ANKMY1: variants seen among roughly 807,000 people sequenced by gnomAD.
ANKMY1 encodes the protein ankyrin repeat and MYND domain containing 1, also known as ankyrin repeat and MYND domain-containing protein 1.
Under a neutral mutation model 102.0 loss-of-function variants are expected in ANKMY1, and 98 were observed. That is an observed-to-expected ratio of 0.96 (90% CI 0.82 to 1.14). ANKMY1 has a LOEUF of 1.14. ANKMY1 is among the 50% of genes most tolerant of loss of function. The probability of loss-of-function intolerance (pLI) is 0.00; values close to 1 mark genes in which losing one functional copy is unlikely to be tolerated. For synonymous variants in ANKMY1, 582 were observed against 559.9 expected, an observed-to-expected ratio of 1.04 and a Z score of -0.56; for missense variants, 1,330 against 1,347.6, an observed-to-expected ratio of 0.99 and a Z score of 0.20.
chr2:240,500,035 A>G lies in ANKMY1; in HGVS notation c.2729T>C (p.Met910Thr), dbSNP rs1457087301. The G allele has an allele frequency of 6.2e-7, 1 of 1,613,044 alleles. No individual in the cohort carries two copies. Among genetic ancestry groups the G allele is most frequent in the African/African-American group, 1.3e-5 (1 of 75,020 alleles). Residue 910 changes from methionine (M) to threonine (T), a missense_variant, in exon 15 of 18, where the codon ATG (methionine) becomes ACG (threonine). Transcript: ENST00000401804. ...FLARKRLLEY[M>T]GLQLRQAVFA... is the part of the protein sequence containing the mutation. ...GACAGCCTGCCGTAGCTGCAAGCCC[A>G]TGTACTCCAGGAGCCGCTTCCGCGC...
intron 15 of ANKMY1, among the ~76,000 whole-genome samples, chr2:240,494,640 G>A (rs1334850130): frequency 6.6e-6 from 1 of 152,138 alleles, no homozygotes; most frequent in Non-Finnish European, 1.5e-5. Flanking sequence ...GACTTGCTGA[G>A]GCCACTTAGG....
downstream of ANKMY1, among the ~76,000 whole-genome samples, chr2:240,477,885 T>C (rs182996613): frequency 2.7e-4 from 41 of 152,314 alleles, no homozygotes; most frequent in East Asian, 7.1e-3. Flanking sequence ...CACTCATGCC[T>C]GTAGAGATCA....
At chr2:240,492,616 T>C (rs1164243762) in intron 15 of ANKMY1, among the ~76,000 whole-genome samples, 2 of 152,226 alleles carry the variant, frequency 1.3e-5, no homozygotes, top group Non-Finnish European at 2.9e-5. Flanking sequence ...ATATCCTGAA[T>C]TGTTTTTCTA....
At chr2:240,556,751 A>G (rs2092392287) in intron 2 of ANKMY1, among the ~76,000 whole-genome samples, 1 of 152,182 alleles carries the variant, frequency 6.6e-6, no homozygotes, top group African/African-American at 2.4e-5. Flanking sequence ...CCCAACACCC[A>G]TCACACTGGG....
intron 15 of ANKMY1, among the ~76,000 whole-genome samples, chr2:240,489,844 T>C (rs918648197): frequency 6.6e-6 from 1 of 152,196 alleles, no homozygotes; most frequent in Admixed American, 6.5e-5. Context: ...TGGTATTAGT[T>C]CTTCTTTATA....
chr2:240,470,203 C>T, the ANKMY1 span, among the ~76,000 whole-genome samples: 1 of 152,250 alleles, frequency 6.6e-6, no homozygotes, highest in Non-Finnish European at 1.5e-5. Context: ...CTAACTCCCA[C>T]CTCTCAGTCC....
chr2:240,472,228 C>T, the ANKMY1 span, among the ~76,000 whole-genome samples: 1 of 124,570 alleles, frequency 8.0e-6, no homozygotes, highest in South Asian at 2.4e-4. Flanking sequence ...TACCAATCCA[C>T]GGCCGCACGC....
chr2:240,476,822 A>AT (rs2074887698), downstream of ANKMY1, among the ~76,000 whole-genome samples: 2 of 152,226 alleles, frequency 1.3e-5, no homozygotes, highest in Non-Finnish European at 2.9e-5. Context: ...CCTTGCATAC[A>AT]TAAGCCCAGC....
At position 240,524,219 on chromosome 2, in the gene ANKMY1, C is replaced by T. The variant is rs373483677; in HGVS notation, c.1498G>A (p.Gly500Ser). Reference sequence around the variant, plus strand: ...TGCCCGGTGTCCTGGAAGTGGCCGCCCTCGTGGCTGCCTGAGACGCGTGGC... The same window carrying T: ...TGCCCGGTGTCCTGGAAGTGGCCGCTCTCGTGGCTGCCTGAGACGCGTGGC... Reference protein sequence around the residue: ...LLPRVSGSHEGGHFQDTGQCG... With the variant: ...LLPRVSGSHESGHFQDTGQCG... The change falls in exon 8 of 18, where the codon GGC becomes AGC. Residue 500 changes from glycine (G) to serine (S), a missense_variant. Coordinates refer to ENST00000401804, the MANE Select transcript of ANKMY1 (RefSeq NM_001282771.3). 3.1e-6 allele frequency: 5 copies of T among 1,613,770 alleles called. No homozygotes were observed. Among genetic ancestry groups the T allele is most frequent in the Non-Finnish European group, 4.2e-6 (5 of 1,180,040 alleles).
rs750542859 is a variant in ANKMY1, at chr2:240,557,212, T to A, written c.124A>T (p.Asn42Tyr). ...PAAEEPGSLK[N>Y]YAVFATRDVS... ...CACCTTGTGGCGAAGACAGCGTAGT[T>A]CTTCAGGGACCCCGGCTCCTCGGCA... The change falls in exon 2 of 18, where the codon AAC (asparagine) becomes TAC (tyrosine). Residue 42 changes from asparagine to tyrosine, a missense_variant. Coordinates refer to ENST00000401804, the MANE Select transcript of ANKMY1 (RefSeq NM_001282771.3). 1 of 1,571,710 alleles carries A rather than the reference T, an allele frequency of 6.4e-7. No homozygotes were observed. The highest frequency in any genetic ancestry group is 1.2e-5 in the South Asian group (1 of 86,456).
At chr2:240,541,811 G>A (rs1192165986) in intron 4 of ANKMY1, among the ~76,000 whole-genome samples, 2 of 152,104 alleles carry the variant, frequency 1.3e-5, no homozygotes, top group African/African-American at 4.8e-5. Context: ...GTATGTTGCT[G>A]TTTTAAGCAG....
At chr2:240,473,551 C>T in the ANKMY1 span, among the ~76,000 whole-genome samples, 1 of 145,084 alleles carries the variant, frequency 6.9e-6, no homozygotes, top group Admixed American at 6.8e-5. Context: ...CGGAGACCAA[C>T]AAGAAAATAA....
chr2:240,509,424 G>GA lies in ANKMY1; in HGVS notation c.2317dup (p.Ser773PhefsTer7). 6.2e-7 allele frequency: 1 copy of GA among 1,613,634 alleles called. No individual in the cohort carries two copies. The highest frequency in any genetic ancestry group is 1.1e-5 in the South Asian group (1 of 91,014). On this transcript the variant is annotated frameshift_variant, in exon 12 of 18. Transcript: ENST00000401804. LOFTEE classifies it high-confidence loss of function. ...CAGCAGGTTAGGATTTGCTCCGTGG[G>GA]ATAGAAGGAGCCGGACTATGTCCCT... is the stretch of plus-strand genomic sequence containing the variant.
At position 240,509,361 on chromosome 2, in the gene ANKMY1, C is replaced by T. The variant is rs1461802504; in HGVS notation, c.2381G>A (p.Ser794Asn). ...GHSPLSLSIASGNELVVKELL... is the reference protein window; with the variant it reads ...GHSPLSLSIANGNELVVKELL... ...GAACATGCTCACCAGCTCATTCCCA[C>T]TGGCAATGGACAGGGAGAGCGGGGA... Residue 794 changes from serine (S) to asparagine (N), a missense_variant, in exon 12 of 18, where the codon AGT becomes AAT. Transcript: ENST00000401804. 2.5e-6 allele frequency: 4 copies of T among 1,613,046 alleles called. No homozygotes were observed. Among genetic ancestry groups the T allele is most frequent in the African/African-American group, 1.3e-5 (1 of 74,878 alleles).
intron 9 of ANKMY1, among the ~76,000 whole-genome samples, chr2:240,513,839 G>A (rs552612137): frequency 9.2e-5 from 14 of 152,370 alleles, no homozygotes; most frequent in South Asian, 6.2e-4. Flanking sequence ...GGCCAGCAGC[G>A]TCCATACCCA....
At chr2:240,552,759 A>G (rs1202086336) in intron 4 of ANKMY1, 155 bp downstream of exon 4, 21 of 1,195,674 alleles carry the variant, frequency 1.8e-5, no homozygotes, top group Non-Finnish European at 2.4e-5. Flanking sequence ...TTCAGTCTAT[A>G]TCCTTATTAT....
At chr2:240,498,503 G>T (rs1269642612) in intron 15 of ANKMY1, among the ~76,000 whole-genome samples, 1 of 106,956 alleles carries the variant, frequency 9.3e-6, no homozygotes, top group Admixed American at 8.9e-5. Flanking sequence ...GGGGTGTGCG[G>T]GCAGCTGTGG....
intron 4 of ANKMY1, among the ~76,000 whole-genome samples, chr2:240,549,200 A>G (rs1407731583): frequency 2.0e-5 from 3 of 151,710 alleles, no homozygotes; most frequent in Non-Finnish European, 4.4e-5. Flanking sequence ...GAGCCCTCAG[A>G]AATAACGCCG....
chr2:240,523,950 C>T lies in ANKMY1; in HGVS notation c.1767G>A (p.Ser589=), dbSNP rs147068466. The change falls in exon 8 of 18, where the codon TCG becomes TCA. Residue 589 remains serine, a synonymous_variant. Transcript: ENST00000401804. ...CGAAGCTGCTGGTGCACGGTGAGGG[C>T]GAGGCCATCTTCAGCAAGCTGTGGG... ...AQSHSLLKMA[S]PSPCTSSFDK... is the part of the protein sequence containing the mutation. The T allele has an allele frequency of 2.0e-5, 32 of 1,613,656 alleles. No homozygotes were observed. Among genetic ancestry groups the T allele is most frequent in the African/African-American group, 1.3e-4 (10 of 74,940 alleles).
Sources: gnomAD v4.1 joint callset for allele counts (sites outside exome capture counted in the v4.1 genomes callset) on GRCh38, gnomAD v4.1.1 for gene constraint, MANE v1.5 for transcripts, NCBI Gene and HGNC (gene_info 2026-07-23, HGNC 2026-07-21) for gene names.